The following TULP3 variants were observed in gnomAD, a reference collection of about 807,000 sequenced individuals.
TULP3 encodes tubby-related protein 3.
In TULP3, 38 loss-of-function variants were observed where a neutral mutation model predicts 50.7. That is an observed-to-expected ratio of 0.75 (90% CI 0.58 to 0.98). The LOEUF is 0.98. Ranked by LOEUF, TULP3 falls within the 50% of genes least tolerant of loss-of-function variation. The pLI is 0.00. For synonymous variants in TULP3, 183 were observed against 196.6 expected (o/e 0.93, Z 0.58); for missense variants, 550 against 568.0 (o/e 0.97, Z 0.32).
intron 2 of TULP3, 60 bp from the exon 3 acceptor site, chr12:2,920,703 G>A: frequency 2.5e-6 from 4 of 1,574,432 alleles, no homozygotes; most frequent in Non-Finnish European, 3.5e-6. Context: ...TGGGCATGTT[G>A]GAAATGGTTA....
At chr12:2,927,844 A>G (rs2098195575) in intron 4 of TULP3, among the ~76,000 whole-genome samples, 4 of 152,146 alleles carry the variant, frequency 2.6e-5, no homozygotes, top group Admixed American at 2.6e-4. Flanking sequence ...TTCAAGGACC[A>G]TTTCAGTGAG....
intron 3 of TULP3, among the ~76,000 whole-genome samples, chr12:2,921,602 G>A (rs2098191796): frequency 6.6e-6 from 1 of 152,160 alleles, no homozygotes. Context: ...GAGATGGGGA[G>A]GGGCGGAGGA....
Position 2,894,850 on chromosome 12 carries a change from C to T in TULP3, c.41+3862C>T, listed in dbSNP as rs2098174562. 4.0e-5 allele frequency among the ~76,000 whole-genome samples: 6 copies of T among 151,318 alleles called. No homozygotes were observed. The South Asian group carries it at 8.4e-4, about 21-fold the overall frequency. ...CGGAGGTTGCGGTGAGCCGAGATCA[C>T]ACCACTGCACTCCAGCCTGGGCGAC... On this transcript the variant is annotated intron_variant, in intron 1 of 10. Coordinates refer to ENST00000448120, the MANE Select transcript of TULP3 (RefSeq NM_003324.5).
chr12:2,921,233 A>T (rs2098191538), intron 3 of TULP3, among the ~76,000 whole-genome samples: 1 of 152,050 alleles, frequency 6.6e-6, no homozygotes, highest in Admixed American at 6.6e-5. Context: ...TCCTCCTCCC[A>T]GGTTCAAGTG....
chr12:2,935,384 G>A (rs2098200481), intron 8 of TULP3, among the ~76,000 whole-genome samples: 1 of 152,154 alleles, frequency 6.6e-6, no homozygotes, highest in African/African-American at 2.4e-5. Flanking sequence ...TAACCCACAT[G>A]TATTTGTTAT....
intron 1 of TULP3, among the ~76,000 whole-genome samples, chr12:2,902,349 G>A (rs1003772042): frequency 1.3e-5 from 2 of 152,134 alleles, no homozygotes; most frequent in Admixed American, 6.6e-5. Context: ...GAAAAGCAAC[G>A]GGCTGCTCAC....
At chr12:2,898,782 C>G (rs2098177065) in intron 1 of TULP3, among the ~76,000 whole-genome samples, 2 of 151,952 alleles carry the variant, frequency 1.3e-5, no homozygotes, top group Non-Finnish European at 2.9e-5. Flanking sequence ...TGGGTTCAAG[C>G]AGTCCTCCTT....
At chr12:2,893,349 A>T in intron 1 of TULP3, among the ~76,000 whole-genome samples, 2 of 93,994 alleles carry the variant, frequency 2.1e-5, no homozygotes, top group Non-Finnish European at 2.0e-5. Context: ...TTTTTTCCAA[A>T]CGGAGTTTCG....
At chr12:2,912,586 A>T (rs933869902) in intron 2 of TULP3, among the ~76,000 whole-genome samples, 1 of 152,190 alleles carries the variant, frequency 6.6e-6, no homozygotes, top group African/African-American at 2.4e-5. Flanking sequence ...GCTCTGTAGG[A>T]TAAGAAACAG....
chr12:2,920,033 TAA>T (rs899279354), intron 2 of TULP3, among the ~76,000 whole-genome samples: 2 of 140,748 alleles, frequency 1.4e-5, no homozygotes, highest in African/African-American at 2.6e-5. Flanking sequence ...TAAGAAAACT[TAA>T]AAAAAAAAAA....
chr12:2,932,579 C>CAAAA (rs11409686), intron 6 of TULP3, among the ~76,000 whole-genome samples: 2 of 68,876 alleles, frequency 2.9e-5, no homozygotes, highest in Non-Finnish European at 2.8e-5. Flanking sequence ...GACCCTATCT[C>CAAAA]AAAAAAAAAA....
intron 2 of TULP3, among the ~76,000 whole-genome samples, chr12:2,915,424 T>C (rs1194337550): frequency 1.3e-5 from 2 of 152,230 alleles, no homozygotes; most frequent in Non-Finnish European, 2.9e-5. Flanking sequence ...CATCTATTTG[T>C]ATGATGAGAG....
intron 1 of TULP3, among the ~76,000 whole-genome samples, chr12:2,897,639 T>A (rs2098176311): frequency 6.6e-6 from 1 of 151,196 alleles, no homozygotes; most frequent in African/African-American, 2.4e-5. Context: ...TTGTTCTCTC[T>A]CTCAAGACAT....
intron 9 of TULP3, 118 bp downstream of exon 9, chr12:2,937,847 GCTCC>G: frequency 1.1e-6 from 1 of 932,506 alleles, no homozygotes; most frequent in Non-Finnish European, 1.6e-6. Context: ...ACTGGAGATA[GCTCC>G]ATACACTTCT....
rs916999181 is a variant in TULP3, at chr12:2,936,476, C to T, written c.925-1155C>T. On this transcript the variant is annotated intron_variant, in intron 8 of 10. Coordinates refer to ENST00000448120, the MANE Select transcript of TULP3 (RefSeq NM_003324.5). ...TAAGACTCAAGAGTAAGAGGCCGGG[C>T]GTGGTGGCTCACTCCTGTAGTCACA... Among the ~76,000 whole-genome samples the T allele has an allele frequency of 1.7e-4, 26 of 151,698 alleles. No individual in the cohort carries two copies. In the East Asian group the frequency reaches 4.8e-3, roughly 28 times the overall value.
In TULP3 at chr12:2,939,243, AAAAG is replaced by A; in HGVS notation, c.1196-64_1196-61del. On this transcript the variant is annotated intron_variant, in intron 10 of 10. Coordinates refer to ENST00000448120, the MANE Select transcript of TULP3 (RefSeq NM_003324.5). The surrounding 1 kb of genome is among the most constrained non-coding windows in gnomAD (Gnocchi z 4.0). ...AAAACCCCATCTAAGAAAAGGAAGAAAAAGAAAAAGATTTCCCTGAGTGCAACCA... is the reference window on the plus strand; with the variant it reads ...AAAACCCCATCTAAGAAAAGGAAGAAAAAAAGATTTCCCTGAGTGCAACCA... 6.4e-7 allele frequency: 1 copy of A among 1,556,444 alleles called. No homozygotes were observed. The highest frequency in any genetic ancestry group is 1.8e-5 in the Admixed American group (1 of 56,510).
intron 2 of TULP3, among the ~76,000 whole-genome samples, chr12:2,919,979 G>A (rs1362822364): frequency 6.6e-6 from 1 of 150,854 alleles, no homozygotes; most frequent in Admixed American, 6.6e-5. Context: ...GAAATAATTT[G>A]AGTTTTAGAG....
intron 10 of TULP3, among the ~76,000 whole-genome samples, chr12:2,938,878 A>G (rs114814490): frequency 0.012 from 1,770 of 152,236 alleles, 38 homozygotes; most frequent in African/African-American, 0.04. Flanking sequence ...TAGCCTGCGG[A>G]GTTTATGACA....
intron 8 of TULP3, among the ~76,000 whole-genome samples, chr12:2,936,790 A>C (rs1316513194): frequency 7.0e-6 from 1 of 143,642 alleles, no homozygotes; most frequent in Non-Finnish European, 1.5e-5. Flanking sequence ...AAGCCAAGAG[A>C]TTCTGTTTTA....
Sources: gnomAD v4.1 joint callset for allele counts (sites outside exome capture counted in the v4.1 genomes callset) on GRCh38, gnomAD v4.1.1 for gene constraint, Gnocchi (gnomAD v3.1) non-coding constraint, MANE v1.5 for transcripts, NCBI Gene and HGNC (gene_info 2026-07-23, HGNC 2026-07-21) for gene names.